LIMS1: variants seen among roughly 807,000 people sequenced by gnomAD.
The protein encoded by LIMS1 is LIM and senescent cell antigen-like-containing domain protein 1.
A neutral mutation model predicts 44.1 loss-of-function variants in LIMS1; 18 were observed. The ratio of observed to expected loss-of-function variants is 0.41; its 90% CI spans 0.28 to 0.61. The LOEUF (loss-of-function observed/expected upper bound fraction) is 0.61. Among genes scored for constraint, LIMS1 ranks in the 20% least tolerant of loss-of-function variants. The probability of loss-of-function intolerance (pLI) is 0.32; values close to 1 mark genes in which losing one functional copy is unlikely to be tolerated. For missense variants in LIMS1, 201 were observed against 422.0 expected (o/e 0.48, Z 4.59); for synonymous variants, 93 against 149.1 (o/e 0.62, Z 2.74).
At chr2:108,639,425 A>G (rs1173602875) in intron 1 of LIMS1, among the ~76,000 whole-genome samples, 1 of 152,200 alleles carries the variant, frequency 6.6e-6, no homozygotes, top group Non-Finnish European at 1.5e-5. Context: ...GCATTTATTT[A>G]AGATCATATA....
chr2:108,588,358 GT>G, intron 1 of LIMS1: 1 of 985,362 alleles, frequency 1.0e-6, no homozygotes, highest in South Asian at 4.7e-5. Context: ...GTTCTGTACA[GT>G]TTAGGAAATA....
At chr2:108,666,085 G>A (rs962180696) in intron 2 of LIMS1, among the ~76,000 whole-genome samples, 7 of 151,730 alleles carry the variant, frequency 4.6e-5, no homozygotes, top group African/African-American at 1.2e-4. Flanking sequence ...CCAGCTGGGC[G>A]TTCTCCAATT....
chr2:108,611,599 G>A (rs1467774177), intron 1 of LIMS1, among the ~76,000 whole-genome samples: 1 of 152,074 alleles, frequency 6.6e-6, no homozygotes, highest in Non-Finnish European at 1.5e-5. Context: ...TTGGCTCTAG[G>A]CTGGGTGCAG....
At chr2:108,553,903 C>T (rs775978968) in intron 1 of LIMS1, among the ~76,000 whole-genome samples, 3 of 152,268 alleles carry the variant, frequency 2.0e-5, no homozygotes, top group Non-Finnish European at 1.5e-5. Flanking sequence ...CGGAGAACTT[C>T]GAATGATAGG....
In LIMS1 at chr2:108,569,764, C is replaced by CCTTTTTTTTTTTTTTTTT. The variant is rs753691810; in HGVS notation, c.32+35170_32+35171insCTTTTTTTTTTTTTTTTT. Among the ~76,000 whole-genome samples the CCTTTTTTTTTTTTTTTTT allele has an allele frequency of 1.5e-4, 17 of 113,124 alleles. 2 individuals carry two copies. Among genetic ancestry groups the CCTTTTTTTTTTTTTTTTT allele is most frequent in the East Asian group, 6.5e-4 (2 of 3,058 alleles). 74.2% of individuals were successfully genotyped at this position (113,124 alleles called of 152,430 possible). On this transcript the variant is annotated intron_variant, in intron 1 of 9. Coordinates refer to ENST00000544547, the Ensembl canonical transcript of LIMS1. Reference sequence around the variant, plus strand: ...TACAAACACTCACCGCCATATCTGGCTTTTTTTTTTTTTTTTTTTAGTGAT... The same window carrying CCTTTTTTTTTTTTTTTTT: ...TACAAACACTCACCGCCATATCTGGCCTTTTTTTTTTTTTTTTTTTTTTTTTTTTTTTTTTTTAGTGAT...
rs561540150 is a variant in LIMS1, at chr2:108,582,833, A to T, written c.32+48239A>T. Among the ~76,000 whole-genome samples the T allele has an allele frequency of 1.1e-3, 166 of 152,228 alleles. 1 individual carries two copies. In the Middle Eastern group the frequency reaches 0.024, roughly 22 times the overall value. On this transcript the variant is annotated intron_variant, in intron 1 of 9. Coordinates refer to ENST00000544547, the Ensembl canonical transcript of LIMS1. ...CTTTTCAACAGTTTCAATAAGCACTAAGTTTTCTGGGAATGCCATGAAATT... is the reference window on the plus strand; with the variant it reads ...CTTTTCAACAGTTTCAATAAGCACTTAGTTTTCTGGGAATGCCATGAAATT...
chr2:108,578,530 G>A (rs1685755702), intron 1 of LIMS1, among the ~76,000 whole-genome samples: 1 of 151,574 alleles, frequency 6.6e-6, no homozygotes, highest in South Asian at 2.1e-4. Flanking sequence ...ACTCTTAAAA[G>A]CATTTCCGTT....
At chr2:108,574,046 C>A (rs189503153) in intron 1 of LIMS1, among the ~76,000 whole-genome samples, 1 of 151,938 alleles carries the variant, frequency 6.6e-6, no homozygotes. Flanking sequence ...CCCTCCCCCC[C>A]ACCAAAAAAA....
In LIMS1 at chr2:108,635,676, G is replaced by A. The variant is rs574743714; in HGVS notation, c.33-23929G>A. Among the ~76,000 whole-genome samples, 15 of 152,142 alleles carry A rather than the reference G, an allele frequency of 9.9e-5. No individual in the cohort carries two copies. In the South Asian group the frequency reaches 1.2e-3, roughly 13 times the overall value. Reference sequence around the variant, plus strand: ...GACCGCACCACTACACTCCAGCCTGGGTGACAGAGCAAGACTCCATCTCAA... The same window carrying A: ...GACCGCACCACTACACTCCAGCCTGAGTGACAGAGCAAGACTCCATCTCAA... On this transcript the variant is annotated intron_variant, in intron 1 of 9. Coordinates refer to ENST00000544547, the Ensembl canonical transcript of LIMS1.
chr2:108,673,285 C>T (rs1240972370), intron 5 of LIMS1: 45 of 587,008 alleles, frequency 7.7e-5, no homozygotes, highest in Non-Finnish European at 6.9e-5. Context: ...TATGTGTGCA[C>T]GTGTGCCTGT....
chr2:108,633,078 A>G (rs1689020301), intron 1 of LIMS1, among the ~76,000 whole-genome samples: 2 of 152,134 alleles, frequency 1.3e-5, no homozygotes, highest in South Asian at 4.1e-4. Flanking sequence ...TAGAACATTT[A>G]ATGTTCATCA....
chr2:108,610,148 ATGTGTGTG>A (rs60571292), intron 1 of LIMS1, among the ~76,000 whole-genome samples: 10,439 of 143,286 alleles, frequency 0.073, 929 homozygotes, highest in African/African-American at 0.22. Context: ...GTTACAAAAA[ATGTGTGTG>A]TGTGTGTGTG....
At chr2:108,593,777 C>A (rs1225068317) in intron 1 of LIMS1, among the ~76,000 whole-genome samples, 1 of 152,208 alleles carries the variant, frequency 6.6e-6, no homozygotes, top group African/African-American at 2.4e-5. Context: ...ACCAGACTGC[C>A]AAGTCAGATG....
rs569068873 is a variant in LIMS1, at chr2:108,657,738, C to T, written c.33-1867C>T. 4.1e-4 allele frequency among the ~76,000 whole-genome samples: 62 copies of T among 151,536 alleles called. No homozygotes were observed. In the East Asian group the frequency reaches 0.011, roughly 26 times the overall value. On this transcript the variant is annotated intron_variant, in intron 1 of 9. Coordinates refer to ENST00000544547, the Ensembl canonical transcript of LIMS1. ...GCTGCTTCCCTTTCTCCCTTCCTTCCTTTTTTTTGTGACATTTTAATTCTG... is the reference window on the plus strand; with the variant it reads ...GCTGCTTCCCTTTCTCCCTTCCTTCTTTTTTTTTGTGACATTTTAATTCTG...
chr2:108,574,044 C>G (rs942250993), intron 1 of LIMS1, among the ~76,000 whole-genome samples: 1 of 151,900 alleles, frequency 6.6e-6, no homozygotes, highest in Non-Finnish European at 1.5e-5. Flanking sequence ...CCCCCTCCCC[C>G]CCACCAAAAA....
intron 1 of LIMS1, among the ~76,000 whole-genome samples, chr2:108,595,089 G>A (rs1686603211): frequency 6.6e-6 from 1 of 152,194 alleles, no homozygotes; most frequent in Admixed American, 6.5e-5. Context: ...ATTACTGACT[G>A]AAGGGCTATT....
chr2:108,657,437 A>G (rs1690956865), intron 1 of LIMS1, among the ~76,000 whole-genome samples: 1 of 152,308 alleles, frequency 6.6e-6, no homozygotes, highest in Admixed American at 6.5e-5. Flanking sequence ...CTTTTTCCTC[A>G]GAACAATAAT....
chr2:108,591,055 G>A (rs1317195938), intron 1 of LIMS1, among the ~76,000 whole-genome samples: 2 of 152,182 alleles, frequency 1.3e-5, no homozygotes, highest in African/African-American at 2.4e-5. Flanking sequence ...TGAGGGCAGT[G>A]TAAAGTTTGG....
At chr2:108,550,280 G>T in intron 1 of LIMS1, among the ~76,000 whole-genome samples, 1 of 151,804 alleles carries the variant, frequency 6.6e-6, no homozygotes, top group Non-Finnish European at 1.5e-5. Flanking sequence ...AGGATCGTGA[G>T]GTCAGGAGAT....
Sources: gnomAD v4.1 joint callset for allele counts (sites outside exome capture counted in the v4.1 genomes callset) on GRCh38, gnomAD v4.1.1 for gene constraint, MANE v1.5 for transcripts, NCBI Gene and HGNC (gene_info 2026-07-23, HGNC 2026-07-21) for gene names.